Variants in CEP152 observed in about 807,000 individuals in gnomAD.
CEP152 encodes centrosomal protein 152.
In CEP152, 132 loss-of-function variants were observed where a neutral mutation model predicts 188.9. The observed-to-expected ratio is 0.70, with a 90% CI of 0.61 to 0.81. The LOEUF (loss-of-function observed/expected upper bound fraction) is 0.81. CEP152 is among the 30% of genes least tolerant of loss of function. The pLI is 0.00. For missense variants in CEP152, 1,914 were observed against 1,969.8 expected (o/e 0.97, Z 0.54); for synonymous variants, 649 against 666.6 (o/e 0.97, Z 0.41).
chr15:48,730,620 C>A (rs1218433653), intron 2 of CEP152, among the ~76,000 whole-genome samples: 1 of 152,188 alleles, frequency 6.6e-6, no homozygotes, highest in Non-Finnish European at 1.5e-5. Context: ...ATTGAATGCA[C>A]AGACACATCA....
At chr15:48,742,307 C>T (rs574423926) in intron 24 of CEP152, among the ~76,000 whole-genome samples, 14 of 152,242 alleles carry the variant, frequency 9.2e-5, no homozygotes, top group African/African-American at 2.9e-4. Flanking sequence ...TAAGTTCTTT[C>T]GGAATGATGA....
intron 20 of CEP152, among the ~76,000 whole-genome samples, 190 bp from the exon 21 acceptor site, chr15:48,752,659 T>C (rs1353478055): frequency 1.3e-5 from 2 of 152,224 alleles, no homozygotes; most frequent in Non-Finnish European, 2.9e-5. Context: ...TAGCTTCCTA[T>C]GAAACTTTCC....
intron 2 of CEP152, chr15:48,729,984 G>T: frequency 6.6e-6 from 1 of 151,836 alleles, no homozygotes; most frequent in Non-Finnish European, 1.5e-5. Flanking sequence ...GAGTGAAGAA[G>T]CTCCCCACCG....
At chr15:48,804,661 A>G (rs1258925830) in intron 2 of CEP152, among the ~76,000 whole-genome samples, 3 of 152,248 alleles carry the variant, frequency 2.0e-5, no homozygotes, top group Non-Finnish European at 4.4e-5. Flanking sequence ...AACACTTTAC[A>G]TATAAATAAT....
rs1026048546 is a variant in CEP152 at position 48,738,140 on chromosome 15, T to C, written c.*109A>G. 8 of 1,134,614 alleles carry C rather than the reference T, an allele frequency of 7.1e-6. No individual in the cohort carries two copies. In the East Asian group the frequency reaches 2.1e-4, roughly 29 times the overall value. The allele number at this position is 1,134,614 out of a possible 1,614,324, so 70.3% of individuals were successfully genotyped here. A position where few individuals can be genotyped will look rare whatever the true frequency, so the allele number is the denominator to read the frequency against. On this transcript the variant is annotated 3_prime_UTR_variant, in exon 27 of 27. Coordinates refer to ENST00000380950, the MANE Select transcript of CEP152 (RefSeq NM_001194998.2). ...GAATGCTTTACTTATATAACAGATG[T>C]TATTAAAACATCTCAAAAGAGGCAG...
intron 1 of CEP152, among the ~76,000 whole-genome samples, chr15:48,809,692 AGATT>A (rs2140946467): frequency 6.6e-6 from 1 of 152,344 alleles, no homozygotes; most frequent in African/African-American, 2.4e-5. Context: ...CCTACTTCAA[AGATT>A]GATTCTGAGG....
In CEP152 at chr15:48,729,757, C is replaced by T. The variant is rs371143267; in HGVS notation, c.142+11874G>A. On this transcript the variant is annotated intron_variant and NMD_transcript_variant, in intron 2 of 3. Coordinates refer to the CEP152 transcript ENST00000561245. The stretch of plus-strand genomic sequence containing the variant: ...CATGTACATACTATGTACATGCATA[C>T]ATATGTATATTTACAGACAAATATA... The T allele has an allele frequency of 3.4e-4, 51 of 151,930 alleles. No individual in the cohort carries two copies. In the East Asian group the frequency reaches 6.8e-3, roughly 20 times the overall value. The allele number at this position is 151,930 out of a possible 1,614,324, so 9.4% of individuals were successfully genotyped here. A position where few individuals can be genotyped will look rare whatever the true frequency, so the allele number is the denominator to read the frequency against.
intron 12 of CEP152, among the ~76,000 whole-genome samples, chr15:48,775,043 A>G (rs1895801489): frequency 6.6e-6 from 1 of 152,118 alleles, no homozygotes; most frequent in Non-Finnish European, 1.5e-5. Flanking sequence ...AATAGAGTAT[A>G]GAGGACAAGA....
At chr15:48,772,929 A>G (rs1895662390) in intron 12 of CEP152, among the ~76,000 whole-genome samples, 1 of 152,216 alleles carries the variant, frequency 6.6e-6, no homozygotes. Context: ...CCTGCTGCTC[A>G]CTGTAAGTAG....
At chr15:48,777,919 G>A (rs1455169365) in intron 12 of CEP152, among the ~76,000 whole-genome samples, 3 of 152,060 alleles carry the variant, frequency 2.0e-5, no homozygotes, top group Non-Finnish European at 4.4e-5. Context: ...TTCCTCAAAG[G>A]GGAAAAAAAT....
intron 19 of CEP152, among the ~76,000 whole-genome samples, chr15:48,757,181 C>A (rs1049506464): frequency 1.3e-5 from 2 of 152,104 alleles, no homozygotes; most frequent in African/African-American, 4.8e-5. Context: ...AATCCTGACA[C>A]CAATTTGCAG....
chr15:48,765,041 A>T (rs1894960293), intron 17 of CEP152, among the ~76,000 whole-genome samples: 1 of 152,128 alleles, frequency 6.6e-6, no homozygotes, highest in East Asian at 1.9e-4. Flanking sequence ...AAATGTGAGA[A>T]GATTAGACAG....
intron 11 of CEP152, 151 bp from the exon 12 acceptor site, chr15:48,781,510 G>A (rs1399248884): frequency 9.7e-6 from 6 of 620,630 alleles, no homozygotes; most frequent in East Asian, 2.8e-5. Flanking sequence ...TATAAAGGTC[G>A]GCATATATCA....
rs145813772 is a variant in CEP152, at chr15:48,756,379, G to C, written c.2869C>G (p.Arg957Gly). The C allele has an allele frequency of 1.2e-6, 2 of 1,603,232 alleles. No individual in the cohort carries two copies. Among genetic ancestry groups the C allele is most frequent in the Non-Finnish European group, 1.7e-6 (2 of 1,174,688 alleles). ...TGCTTTTCTTTGTTCCATTCACTCCGAGCCTTAGCTAACTCAGCCCTGATG... is the reference window on the plus strand; with the variant it reads ...TGCTTTTCTTTGTTCCATTCACTCCCAGCCTTAGCTAACTCAGCCCTGATG... ...VVIRAELAKA[R>G]SEWNKEKQEE... Residue 957 changes from arginine (R) to glycine (G), a missense_variant, in exon 20 of 27, where the codon CGG (arginine) becomes GGG (glycine). Coordinates refer to ENST00000380950, the MANE Select transcript of CEP152 (RefSeq NM_001194998.2).
At chr15:48,750,633 C>A (rs1489752313) in intron 21 of CEP152, among the ~76,000 whole-genome samples, 2 of 152,024 alleles carry the variant, frequency 1.3e-5, no homozygotes, top group Non-Finnish European at 2.9e-5. Flanking sequence ...ATAGTATATT[C>A]ATACACTGAA....
At chr15:48,801,703 T>C (rs1471848356) in intron 2 of CEP152, among the ~76,000 whole-genome samples, 1 of 152,212 alleles carries the variant, frequency 6.6e-6, no homozygotes, top group Non-Finnish European at 1.5e-5. Context: ...ACATGTCTAC[T>C]CCAGCTGACT....
chr15:48,765,728 A>G (rs1459713594), intron 17 of CEP152: 2 of 347,350 alleles, frequency 5.8e-6, no homozygotes, highest in Non-Finnish European at 5.3e-6. Flanking sequence ...ATCTCGACTC[A>G]CTGCAAGCTC....
chr15:48,741,618 C>T lies in CEP152; in HGVS notation c.4076G>A (p.Ser1359Asn), dbSNP rs1014486330. 3 of 1,613,990 alleles carry T rather than the reference C, an allele frequency of 1.9e-6. No individual in the cohort carries two copies. Among genetic ancestry groups the T allele is most frequent in the Non-Finnish European group, 2.5e-6 (3 of 1,180,016 alleles). ...LETPISSKSQ[S>N]KTTQSALPLT... ...TGACATACCTGACTGTGTAGTTTTG[C>T]TTTGGGACTTACTAGAAATAGGTGT... The change falls in exon 26 of 27, where the codon AGC becomes AAC. Residue 1359 changes from serine to asparagine, a missense_variant. Ser to Asn is a conservative substitution (Grantham distance 46, BLOSUM62 1). Transcript: ENST00000380950.
chr15:48,755,378 C>T (rs1566985786), intron 20 of CEP152, among the ~76,000 whole-genome samples: 2 of 152,064 alleles, frequency 1.3e-5, no homozygotes, highest in Non-Finnish European at 2.9e-5. Flanking sequence ...GGCTTCCAAA[C>T]TCTTTACAAG....
Sources: allele counts gnomAD v4.1 joint callset (sites outside exome capture counted in the v4.1 genomes callset), GRCh38; gene constraint gnomAD v4.1.1; transcripts MANE v1.5; gene names NCBI Gene and HGNC (gene_info 2026-07-23, HGNC 2026-07-21).